LDLRAD4: variants seen among roughly 807,000 people sequenced by gnomAD.
LDLRAD4 encodes low-density lipoprotein receptor class A domain-containing protein 4.
LDLRAD4 carries 5 observed loss-of-function variants against 17.0 expected under a neutral mutation model. The ratio of observed to expected loss-of-function variants is 0.29; its 90% confidence interval spans 0.15 to 0.62. LDLRAD4 has a LOEUF of 0.62. Among genes scored for constraint, LDLRAD4 ranks in the 20% least tolerant of loss-of-function variants. The pLI, the probability that LDLRAD4 is intolerant of heterozygous loss-of-function variation, is 0.84. For synonymous variants in LDLRAD4, 168 were observed against 171.8 expected (o/e 0.98, Z 0.17); for missense variants, 340 against 424.7 (o/e 0.80, Z 1.75).
intron 2 of LDLRAD4, among the ~76,000 whole-genome samples, chr18:13,430,037 A>G (rs987974508): frequency 6.6e-6 from 1 of 152,168 alleles, no homozygotes; most frequent in Admixed American, 6.5e-5. Context: ...TTGCCCAGGC[A>G]GTGACGGGCT....
chr18:13,624,820 A>G (rs1448053243), intron 4 of LDLRAD4, among the ~76,000 whole-genome samples: 1 of 152,206 alleles, frequency 6.6e-6, no homozygotes, highest in Non-Finnish European at 1.5e-5. Context: ...AGAGCCTGGC[A>G]GTCCTCTGTC....
intron 3 of LDLRAD4, among the ~76,000 whole-genome samples, chr18:13,586,420 A>AAAAAAAAAAAAAAAAAAG (rs2094935516): frequency 6.7e-6 from 1 of 148,196 alleles, no homozygotes; most frequent in African/African-American, 2.5e-5. Context: ...AAAAAAAAAA[A>AAAAAAAAAAAAAAAAAAG]AGAATAGAAA....
chr18:13,460,667 G>A (rs2092384469), intron 3 of LDLRAD4, among the ~76,000 whole-genome samples: 1 of 152,168 alleles, frequency 6.6e-6, no homozygotes, highest in Non-Finnish European at 1.5e-5. Context: ...TTAGTGATGA[G>A]GGTATTTAAG....
rs1029358284 is a variant in LDLRAD4, at chr18:13,367,195, C to T, written c.-382-20146C>T. Among the ~76,000 whole-genome samples the T allele has an allele frequency of 5.3e-5, 8 of 152,184 alleles. No homozygotes were observed. The highest frequency in any genetic ancestry group is 3.3e-4 in the Admixed American group (5 of 15,278). On this transcript the variant is annotated intron_variant, in intron 1 of 5. Transcript: ENST00000359446. The surrounding 1 kb of genome is among the most constrained non-coding windows in gnomAD (Gnocchi z 4.1). ...GAGGTTTTGCAATCCCCTCCAGCCCCACTCCGTTACAACCAGTGGAGGTGG... is the reference window on the plus strand; with the variant it reads ...GAGGTTTTGCAATCCCCTCCAGCCCTACTCCGTTACAACCAGTGGAGGTGG...
rs539769795 is a variant in LDLRAD4 at position 13,506,218 on chromosome 18, CT to C, written c.181+67846del. ...ACCAACCTGCGAGCAGCTGTTTCCT[CT>C]TTTTTTTTTTTATTATTATACTTTA... is the stretch of plus-strand genomic sequence containing the variant. On this transcript the variant is annotated intron_variant, in intron 3 of 5. Transcript: ENST00000359446. 4.6e-3 allele frequency among the ~76,000 whole-genome samples: 407 copies of C among 88,158 alleles called. 1 individual carries two copies. The highest frequency in any genetic ancestry group is 0.012 in the African/African-American group (391 of 32,540). The allele number at this position is 88,158 out of a possible 152,430, so 57.8% of individuals were successfully genotyped here.
chr18:13,452,950 G>A (rs2091922358), intron 3 of LDLRAD4, among the ~76,000 whole-genome samples: 1 of 152,100 alleles, frequency 6.6e-6, no homozygotes, highest in Admixed American at 6.5e-5. Flanking sequence ...GACCACGGGG[G>A]ATGCTACATG....
chr18:13,279,769 GA>G, intron 1 of LDLRAD4: 1 of 152,350 alleles, frequency 6.6e-6, no homozygotes, highest in Admixed American at 6.5e-5. Context: ...AGCTAAAGAA[GA>G]AATCACTATC....
At chr18:13,595,574 C>T (rs2148586200) in intron 3 of LDLRAD4, among the ~76,000 whole-genome samples, 2 of 152,168 alleles carry the variant, frequency 1.3e-5, no homozygotes, top group Middle Eastern at 3.4e-3. Context: ...GTCTTGAACT[C>T]CTAGGCTTAA....
At chr18:13,417,543 C>T (rs1230311571) in intron 2 of LDLRAD4, among the ~76,000 whole-genome samples, 1 of 151,984 alleles carries the variant, frequency 6.6e-6, no homozygotes, top group African/African-American at 2.4e-5. Context: ...CGCCATTCTC[C>T]TGCCTCAGCC....
intron 1 of LDLRAD4, among the ~76,000 whole-genome samples, chr18:13,289,154 G>A (rs1000685940): frequency 6.6e-6 from 1 of 152,224 alleles, no homozygotes; most frequent in Non-Finnish European, 1.5e-5. Context: ...CCCAGCACTG[G>A]AGCTGTTTAG....
intron 3 of LDLRAD4, among the ~76,000 whole-genome samples, chr18:13,618,129 T>A (rs1222566500): frequency 6.6e-6 from 1 of 151,202 alleles, no homozygotes; most frequent in South Asian, 2.1e-4. Flanking sequence ...ATGTTTGTAC[T>A]CTGTAACAGA....
chr18:13,580,546 A>G (rs773377341), intron 3 of LDLRAD4, among the ~76,000 whole-genome samples: 18 of 152,116 alleles, frequency 1.2e-4, no homozygotes, highest in Non-Finnish European at 2.4e-4. Flanking sequence ...TTGAATGGCA[A>G]TGAGAACGTC....
intron 1 of LDLRAD4, among the ~76,000 whole-genome samples, chr18:13,309,202 T>C (rs2047087682): frequency 6.6e-6 from 1 of 152,198 alleles, no homozygotes; most frequent in Non-Finnish European, 1.5e-5. Context: ...CTGCACACCA[T>C]GGCGTGGATT....
chr18:13,368,248 T>C (rs2084213504), intron 1 of LDLRAD4, among the ~76,000 whole-genome samples: 1 of 151,980 alleles, frequency 6.6e-6, no homozygotes, highest in Non-Finnish European at 1.5e-5. Flanking sequence ...GACAAGAAGC[T>C]GAGTGTGGGA....
chr18:13,222,818 G>A (rs948729743), intron 1 of LDLRAD4, among the ~76,000 whole-genome samples: 1 of 152,188 alleles, frequency 6.6e-6, no homozygotes, highest in African/African-American at 2.4e-5. Flanking sequence ...CTCTGAGCAG[G>A]GAAATCAGGC....
At chr18:13,449,682 T>A (rs1246689569) in intron 3 of LDLRAD4, among the ~76,000 whole-genome samples, 2 of 152,242 alleles carry the variant, frequency 1.3e-5, no homozygotes, top group Non-Finnish European at 2.9e-5. Context: ...TATCTCTTCA[T>A]TGTTAGTGGA....
At chr18:13,222,276 G>A (rs1316239663) in intron 1 of LDLRAD4, among the ~76,000 whole-genome samples, 1 of 150,752 alleles carries the variant, frequency 6.6e-6, no homozygotes, top group Non-Finnish European at 1.5e-5. Flanking sequence ...GATCATTTCT[G>A]TTTGCATGGG....
intron 1 of LDLRAD4, among the ~76,000 whole-genome samples, chr18:13,263,808 G>A (rs1368427587): frequency 1.3e-5 from 2 of 152,148 alleles, no homozygotes; most frequent in African/African-American, 4.8e-5. Context: ...CTTGGACTGT[G>A]GACCACCTGA....
intron 1 of LDLRAD4, among the ~76,000 whole-genome samples, chr18:13,226,180 C>CTTTTGTTTTTTTTTT (rs2041782443): frequency 3.8e-5 from 2 of 52,184 alleles, no homozygotes; most frequent in East Asian, 6.1e-4. Context: ...CCATGCCTTG[C>CTTTTGTTTTTTTTTT]TTTTTTTTTT....
Sources: gnomAD v4.1 joint callset for allele counts (sites outside exome capture counted in the v4.1 genomes callset) on GRCh38, gnomAD v4.1.1 for gene constraint, Gnocchi (gnomAD v3.1) non-coding constraint, MANE v1.5 for transcripts, NCBI Gene and HGNC (gene_info 2026-07-23, HGNC 2026-07-21) for gene names.